Variants in RAB35 observed in about 807,000 individuals in gnomAD.
RAB35 encodes the protein ras-related protein Rab-35.
A neutral mutation model predicts 28.9 loss-of-function variants in RAB35; 4 were observed. The observed-to-expected ratio is 0.14, with a 90% confidence interval of 0.07 to 0.32. RAB35 has a LOEUF of 0.32. Ranked by LOEUF, RAB35 falls within the 10% of genes least tolerant of loss-of-function variation. The probability of loss-of-function intolerance (pLI) is 1.00; values close to 1 mark genes in which losing one functional copy is unlikely to be tolerated. For synonymous variants in RAB35, 99 were observed against 105.1 expected (o/e 0.94, Z 0.35); for missense variants, 128 against 274.0 (o/e 0.47, Z 3.76).
At chr12:120,113,767 G>A (rs7980387) in intron 1 of RAB35, among the ~76,000 whole-genome samples, 2 of 150,870 alleles carry the variant, frequency 1.3e-5, no homozygotes, top group Non-Finnish European at 1.5e-5. Context: ...GCAGTGAGCC[G>A]AGATCGCGCC....
intron 3 of RAB35, among the ~76,000 whole-genome samples, chr12:120,100,980 C>T (rs1875634256): frequency 6.6e-6 from 1 of 152,246 alleles, no homozygotes. Flanking sequence ...ATCAGAGATG[C>T]CAAGAAACGC....
intron 3 of RAB35, among the ~76,000 whole-genome samples, chr12:120,099,737 G>A (rs752582866): frequency 9.2e-5 from 14 of 152,200 alleles, no homozygotes; most frequent in Non-Finnish European, 1.5e-4. Context: ...GGGAGAGGGC[G>A]CCCAGCAAAG....
chr12:120,100,304 C>G (rs1875607206), intron 3 of RAB35, among the ~76,000 whole-genome samples: 1 of 152,146 alleles, frequency 6.6e-6, no homozygotes, highest in Non-Finnish European at 1.5e-5. Context: ...AACCCTGGCT[C>G]CATCTCTGAA....
intron 1 of RAB35, among the ~76,000 whole-genome samples, chr12:120,115,863 A>C (rs1876309186): frequency 6.6e-6 from 1 of 152,206 alleles, no homozygotes; most frequent in Non-Finnish European, 1.5e-5. Flanking sequence ...AGCTGTGAGC[A>C]ACACTGCAGA....
At position 120,109,848 on chromosome 12, in the gene RAB35, A is replaced by G. The variant is rs80201379; in HGVS notation, c.53-1381T>C. ...TCACAGTGCTTTCAGCCTGCCAAGT[A>G]CACCTGTTCCATGTCCTCCTATCCT... On this transcript the variant is annotated intron_variant, in intron 1 of 5. Coordinates refer to ENST00000229340, the MANE Select transcript of RAB35 (RefSeq NM_006861.7). Among the ~76,000 whole-genome samples, 53 of 152,098 alleles carry G rather than the reference A, an allele frequency of 3.5e-4. No homozygotes were observed. The East Asian group carries it at 8.7e-3, about 25-fold the overall frequency.
In RAB35 at chr12:120,097,050, G is replaced by A. The variant is rs180681655; in HGVS notation, c.*195C>T. The A allele has an allele frequency of 5.9e-6, 9 of 1,528,104 alleles. No homozygotes were observed. In the East Asian group the frequency reaches 2.0e-4, roughly 34 times the overall value. The allele number at this position is 1,528,104 out of a possible 1,614,324, so 94.7% of individuals were successfully genotyped here. ...GGAGGAGGGGGCACCAGTAGGGAAG[G>A]GCGGGCTGGTCCAACACCTTCTTGG... On this transcript the variant is annotated 3_prime_UTR_variant, in exon 6 of 6. Transcript: ENST00000229340.
chr12:120,099,290 C>T lies in RAB35; in HGVS notation c.228-136G>A, dbSNP rs79509613. On this transcript the variant is annotated intron_variant, in intron 3 of 5. Coordinates refer to ENST00000229340, the MANE Select transcript of RAB35 (RefSeq NM_006861.7). The stretch of plus-strand genomic sequence containing the variant: ...TGGAGCCTGGGCTCTCACTCAGCCT[C>T]GGCAGATGCCCCCGAGCCACAACAG... The T allele has an allele frequency of 5.1e-3, 5,840 of 1,140,190 alleles. 137 individuals carry two copies. The East Asian group carries it at 0.062, about 12-fold the overall frequency. The allele number at this position is 1,140,190 out of a possible 1,614,324, so 70.6% of individuals were successfully genotyped here.
intron 3 of RAB35, among the ~76,000 whole-genome samples, chr12:120,101,165 G>C (rs1295863220): frequency 6.6e-6 from 1 of 152,244 alleles, no homozygotes; most frequent in East Asian, 1.9e-4. Flanking sequence ...TGGCCACCAG[G>C]AATCACCTTC....
At position 120,096,941 on chromosome 12, in the gene RAB35, A is replaced by C; in HGVS notation, c.*304T>G. The stretch of plus-strand genomic sequence containing the variant: ...AGCAGGACGTGGTGTGCGGCCGGGT[A>C]GAGCAATATACACTATGTACAGACT... On this transcript the variant is annotated 3_prime_UTR_variant, in exon 6 of 6. Coordinates refer to ENST00000229340, the MANE Select transcript of RAB35 (RefSeq NM_006861.7). 1 of 1,376,068 alleles carries C rather than the reference A, an allele frequency of 7.3e-7. No homozygotes were observed. Among genetic ancestry groups the C allele is most frequent in the Non-Finnish European group, 9.6e-7 (1 of 1,045,454 alleles). The allele number at this position is 1,376,068 out of a possible 1,614,324, so 85.2% of individuals were successfully genotyped here. A position where few individuals can be genotyped will look rare whatever the true frequency, so the allele number is the denominator to read the frequency against.
intron 1 of RAB35, 176 bp from the exon 2 acceptor site, chr12:120,108,643 T>G: frequency 2.6e-4 from 180 of 690,130 alleles, no homozygotes; most frequent in East Asian, 3.1e-4. Flanking sequence ...AGAACATCTC[T>G]TCCACTCGAT....
In RAB35 at chr12:120,099,070, G is replaced by A. The variant is rs199884834; in HGVS notation, c.312C>T (p.His104=). 5.3e-5 allele frequency: 85 copies of A among 1,614,202 alleles called. 1 individual carries two copies. The Admixed American group carries it at 6.2e-4, about 12-fold the overall frequency. The change falls in exon 4 of 6, where the codon CAC becomes CAT. Residue 104 remains histidine (H), a synonymous_variant. Coordinates refer to ENST00000229340, the MANE Select transcript of RAB35 (RefSeq NM_006861.7). ...ESFVNVKRWL[H]EINQNCDDVC... Reference sequence around the variant, plus strand: ...CATCATCACAGTTCTGGTTGATTTCGTGAAGCCACCGCTTGACGTTGACAA... The same window carrying A: ...CATCATCACAGTTCTGGTTGATTTCATGAAGCCACCGCTTGACGTTGACAA...
chr12:120,102,725 G>A (rs1875708326), intron 3 of RAB35, among the ~76,000 whole-genome samples: 1 of 152,204 alleles, frequency 6.6e-6, no homozygotes. Context: ...GGGGCCCGGG[G>A]GCAGGGGCAG....
Position 120,108,496 on chromosome 12 carries a change from G to A in RAB35, c.53-29C>T, listed in dbSNP as rs780651948. On this transcript the variant is annotated intron_variant, in intron 1 of 5. Transcript: ENST00000229340. ...CAAGAGAGAAAGCACTGCGATGAGGGGGGCAGGTGGGTCCCCTCCCCGCAG... is the reference window on the plus strand; with the variant it reads ...CAAGAGAGAAAGCACTGCGATGAGGAGGGCAGGTGGGTCCCCTCCCCGCAG... 6.2e-6 allele frequency: 10 copies of A among 1,607,042 alleles called. No individual in the cohort carries two copies. The African/African-American group carries it at 1.1e-4, about 17-fold the overall frequency.
intron 1 of RAB35, 59 bp from the exon 2 acceptor site, chr12:120,108,526 A>G (rs1447306015): frequency 6.6e-7 from 1 of 1,517,082 alleles, no homozygotes; most frequent in East Asian, 2.3e-5. Flanking sequence ...CCGCAGCCCC[A>G]GCCCTTCTTC....
chr12:120,104,428 T>C (rs1428296836), intron 2 of RAB35, among the ~76,000 whole-genome samples: 1 of 152,096 alleles, frequency 6.6e-6, no homozygotes, highest in African/African-American at 2.4e-5. Context: ...GGGGAGACAG[T>C]AGCAAAAACA....
At chr12:120,114,032 C>T (rs1876231853) in intron 1 of RAB35, among the ~76,000 whole-genome samples, 1 of 152,192 alleles carries the variant, frequency 6.6e-6, no homozygotes, top group East Asian at 1.9e-4. Context: ...GATGCAGTGG[C>T]TCCCGGCTTT....
intron 1 of RAB35, 39 bp downstream of exon 1, chr12:120,116,560 G>T: frequency 5.5e-6 from 6 of 1,085,086 alleles, no homozygotes; most frequent in Admixed American, 5.4e-5. Context: ...GGCCGCGCCC[G>T]GCAGGGCCCG....
chr12:120,107,912 C>G (rs56152568), intron 2 of RAB35, among the ~76,000 whole-genome samples: 8,320 of 150,254 alleles, frequency 0.055, 484 homozygotes, highest in African/African-American at 0.14. Flanking sequence ...CGCCTATATC[C>G]CAAGTAGCTA....
At chr12:120,098,790 C>G in intron 5 of RAB35, 21 bp downstream of exon 5, 1 of 1,613,778 alleles carries the variant, frequency 6.2e-7, no homozygotes, top group African/African-American at 1.3e-5. Context: ...GTGGCAGAGC[C>G]ACAGTGGCCC....
Sources: allele counts gnomAD v4.1 joint callset (sites outside exome capture counted in the v4.1 genomes callset), GRCh38; gene constraint gnomAD v4.1.1; transcripts MANE v1.5; gene names NCBI Gene and HGNC (gene_info 2026-07-23, HGNC 2026-07-21).